Variants in TRIO observed in about 807,000 individuals in gnomAD.
The protein encoded by TRIO is triple functional domain protein.
A neutral mutation model predicts 351.9 loss-of-function variants in TRIO; 58 were observed. The ratio of observed to expected loss-of-function variants is 0.16; its 90% CI spans 0.13 to 0.21. The LOEUF (loss-of-function observed/expected upper bound fraction) is 0.21, where lower values mean the gene tolerates loss of function less well. TRIO is among the 10% of genes least tolerant of loss of function. The pLI is 1.00. For missense variants in TRIO, 3,201 were observed against 4,027.8 expected, an observed-to-expected ratio of 0.79 and a Z score of 5.56; for synonymous variants, 1,758 against 1,595.7, an observed-to-expected ratio of 1.10 and a Z score of -2.42.
At chr5:14,282,089 A>G (rs1354401948) in intron 3 of TRIO, among the ~76,000 whole-genome samples, 1 of 152,168 alleles carries the variant, frequency 6.6e-6, no homozygotes, top group African/African-American at 2.4e-5. Context: ...CCTTTATGAG[A>G]AAACTATCAC....
At chr5:14,506,995 C>T in intron 55 of TRIO, 127 bp from the exon 56 acceptor site, 1 of 1,309,156 alleles carries the variant, frequency 7.6e-7, no homozygotes, top group Non-Finnish European at 1.0e-6. Flanking sequence ...GCCTTAGAGG[C>T]ACGGCCCTGA....
intron 21 of TRIO, 131 bp downstream of exon 21, chr5:14,381,383 T>C (rs1375121879): frequency 8.8e-7 from 1 of 1,134,688 alleles, no homozygotes; most frequent in Non-Finnish European, 1.2e-6. Flanking sequence ...AACTGGAGGA[T>C]GCTTCCTCCT....
chr5:14,381,400 C>A (rs1451561458), intron 21 of TRIO, 148 bp downstream of exon 21: 4 of 998,076 alleles, frequency 4.0e-6, no homozygotes, highest in African/African-American at 3.3e-5. Context: ...TCCTTCCGTT[C>A]ACGTGTGTCC....
chr5:14,423,422 T>G (rs1190156627), intron 34 of TRIO, among the ~76,000 whole-genome samples: 1 of 152,266 alleles, frequency 6.6e-6, no homozygotes, highest in Non-Finnish European at 1.5e-5. Flanking sequence ...TTGTCTCAAC[T>G]TGTAAAACTT....
chr5:14,315,806 C>T (rs906063925), intron 8 of TRIO, among the ~76,000 whole-genome samples: 4 of 152,186 alleles, frequency 2.6e-5, no homozygotes, highest in Admixed American at 2.0e-4. Flanking sequence ...ATTGCACCCT[C>T]ACCTTTTCTT....
intron 11 of TRIO, among the ~76,000 whole-genome samples, chr5:14,348,743 CTG>C (rs757574234): frequency 1.8e-5 from 2 of 113,476 alleles, no homozygotes; most frequent in Admixed American, 9.8e-5. Flanking sequence ...TGTTTTTCCT[CTG>C]TGTGTGTACG....
intron 1 of TRIO, among the ~76,000 whole-genome samples, chr5:14,224,532 A>C (rs748847858): frequency 6.6e-6 from 1 of 152,200 alleles, no homozygotes; most frequent in Admixed American, 6.5e-5. Flanking sequence ...TATATATTTT[A>C]AAGCATGGAG....
intron 48 of TRIO, 85 bp from the exon 49 acceptor site, chr5:14,492,482 G>A (rs1304414367): frequency 6.4e-7 from 1 of 1,554,572 alleles, no homozygotes. Context: ...TGGTGCCATG[G>A]GGCACACTGA....
chr5:14,440,767 C>T (rs1303921507), intron 34 of TRIO: 1 of 152,148 alleles, frequency 6.6e-6, no homozygotes, highest in Non-Finnish European at 1.5e-5. Flanking sequence ...GGACCTCCCT[C>T]CAGATGTACA....
At chr5:14,265,258 A>G (rs1795603819) in intron 1 of TRIO, among the ~76,000 whole-genome samples, 1 of 152,088 alleles carries the variant, frequency 6.6e-6, no homozygotes, top group Admixed American at 6.6e-5. Context: ...GAATCGCATC[A>G]GTTCATTTTG....
At chr5:14,415,909 A>G (rs936315541) in intron 33 of TRIO, among the ~76,000 whole-genome samples, 2 of 151,992 alleles carry the variant, frequency 1.3e-5, no homozygotes, top group Non-Finnish European at 2.9e-5. Flanking sequence ...AAAGGTTTAA[A>G]AAAATCTGTC....
intron 1 of TRIO, among the ~76,000 whole-genome samples, chr5:14,157,006 C>G (rs1486060830): frequency 6.6e-6 from 1 of 152,196 alleles, no homozygotes; most frequent in African/African-American, 2.4e-5. Flanking sequence ...TCATCTTCAT[C>G]TCAATGTACA....
At chr5:14,336,792 A>G (rs1741457518) in intron 11 of TRIO, 65 bp downstream of exon 11, 6 of 1,556,378 alleles carry the variant, frequency 3.9e-6, no homozygotes, top group Non-Finnish European at 5.3e-6. Flanking sequence ...TTTTGGAGGA[A>G]CCTAAATTTA....
At chr5:14,397,250 GTC>G in intron 29 of TRIO, 96 bp downstream of exon 29, 1 of 914,380 alleles carries the variant, frequency 1.1e-6, no homozygotes. Flanking sequence ...CCCGCTTTAT[GTC>G]TCTATGTTAG....
intron 1 of TRIO, among the ~76,000 whole-genome samples, chr5:14,205,552 C>G (rs1791403397): frequency 6.6e-6 from 1 of 152,128 alleles, no homozygotes; most frequent in African/African-American, 2.4e-5. Flanking sequence ...GCTGTAGTTA[C>G]AATTAAATTT....
At chr5:14,314,681 T>C (rs1406835987) in intron 8 of TRIO, among the ~76,000 whole-genome samples, 1 of 152,242 alleles carries the variant, frequency 6.6e-6, no homozygotes, top group Non-Finnish European at 1.5e-5. Context: ...CACCATGTGC[T>C]AATATCCTGC....
intron 3 of TRIO, among the ~76,000 whole-genome samples, chr5:14,284,419 T>G (rs377565861): frequency 6.6e-6 from 1 of 152,260 alleles, no homozygotes; most frequent in South Asian, 2.1e-4. Context: ...GGCTTTTAAC[T>G]TGATAAAAAT....
intron 6 of TRIO, among the ~76,000 whole-genome samples, chr5:14,295,478 A>G (rs1205105793): frequency 6.6e-6 from 1 of 152,226 alleles, no homozygotes; most frequent in Non-Finnish European, 1.5e-5. Flanking sequence ...TATAAAAGTG[A>G]CACAGGAAGC....
At chr5:14,473,912 C>G in intron 39 of TRIO, 82 bp from the exon 40 acceptor site, 2 of 1,429,364 alleles carry the variant, frequency 1.4e-6, no homozygotes, top group Admixed American at 1.8e-5. Flanking sequence ...CCATTTTGCC[C>G]TCTGTGACTA....
Sources: allele counts gnomAD v4.1 joint callset (sites outside exome capture counted in the v4.1 genomes callset), GRCh38; gene constraint gnomAD v4.1.1; transcripts MANE v1.5; gene names NCBI Gene and HGNC (gene_info 2026-07-23, HGNC 2026-07-21).